The following SPATA6L variants were observed in gnomAD, a reference collection of about 807,000 sequenced individuals.
SPATA6L encodes spermatogenesis associated 6-like protein.
A neutral mutation model predicts 49.2 loss-of-function variants in SPATA6L; 68 were observed. The observed-to-expected ratio is 1.38, with a 90% CI of 1.14 to 1.69. The LOEUF (loss-of-function observed/expected upper bound fraction) is 1.69. Among genes scored for constraint, SPATA6L ranks in the 40% most tolerant of loss-of-function variants. The probability of loss-of-function intolerance (pLI) is 0.00; values close to 1 mark genes in which losing one functional copy is unlikely to be tolerated. For missense variants in SPATA6L, 668 were observed against 464.3 expected, an observed-to-expected ratio of 1.44 and a Z score of -4.03; for synonymous variants, 198 against 165.7, an observed-to-expected ratio of 1.19 and a Z score of -1.50.
chr9:4,632,350 C>T (rs1455515713), intron 4 of SPATA6L, among the ~76,000 whole-genome samples: 1 of 151,840 alleles, frequency 6.6e-6, no homozygotes, highest in African/African-American at 2.4e-5. Context: ...AATCCCAGCA[C>T]TTTGGGAGGC....
At chr9:4,648,088 G>A (rs980684866) in intron 3 of SPATA6L, among the ~76,000 whole-genome samples, 1 of 152,058 alleles carries the variant, frequency 6.6e-6, no homozygotes, top group South Asian at 2.1e-4. Flanking sequence ...GCCCACCTCA[G>A]CCTCCCAAAG....
Position 4,599,050 on chromosome 9 carries a change from C to G in SPATA6L, c.*1761G>C, listed in dbSNP as rs1269339294. Among the ~76,000 whole-genome samples, 2 of 152,096 alleles carry G rather than the reference C, an allele frequency of 1.3e-5. No homozygotes were observed. The highest frequency in any genetic ancestry group is 2.9e-5 in the Non-Finnish European group (2 of 68,016). On this transcript the variant is annotated 3_prime_UTR_variant, in exon 12 of 12. Coordinates refer to ENST00000682582, the MANE Select transcript of SPATA6L (RefSeq NM_001353486.2). ...GTATCTTCAGGATAGGGGATAGGAC[C>G]CAAGTCTAAACACGAAATTCATTTA... is the stretch of plus-strand genomic sequence containing the variant.
At chr9:4,648,536 T>C (rs950561843) in intron 3 of SPATA6L, among the ~76,000 whole-genome samples, 2 of 151,546 alleles carry the variant, frequency 1.3e-5, no homozygotes, top group Admixed American at 6.6e-5. Flanking sequence ...CCGTCTCTAC[T>C]AAAAATACAA....
At position 4,618,115 on chromosome 9, in the gene SPATA6L, G is replaced by C; in HGVS notation, c.808-5C>G. On this transcript the variant is annotated splice_region_variant and splice_polypyrimidine_tract_variant and intron_variant, in intron 8 of 11. Transcript: ENST00000682582. ...TTCATCTGGCTCTTTGATAACCTGA[G>C]TGACAATATGCATTATTTAGTTGTA... The C allele has an allele frequency of 6.3e-7, 1 of 1,596,202 alleles. No homozygotes were observed. Among genetic ancestry groups the C allele is most frequent in the African/African-American group, 1.3e-5 (1 of 74,444 alleles).
At chr9:4,621,451 T>C (rs1829270590) in intron 7 of SPATA6L, among the ~76,000 whole-genome samples, 1 of 152,164 alleles carries the variant, frequency 6.6e-6, no homozygotes, top group Admixed American at 6.5e-5. Flanking sequence ...AATGATGTCA[T>C]GACATCACCA....
intron 9 of SPATA6L, among the ~76,000 whole-genome samples, chr9:4,608,739 G>C (rs1189610131): frequency 6.6e-6 from 1 of 151,424 alleles, no homozygotes; most frequent in East Asian, 1.9e-4. Context: ...AAAAGAACTA[G>C]AAAAGCAAGA....
intron 9 of SPATA6L, among the ~76,000 whole-genome samples, chr9:4,613,867 G>A (rs1370557640): frequency 6.6e-6 from 1 of 152,136 alleles, no homozygotes; most frequent in East Asian, 1.9e-4. Context: ...CCAGGTGTGA[G>A]CCACCACGCT....
At chr9:4,648,508 G>C (rs1835969342) in intron 3 of SPATA6L, among the ~76,000 whole-genome samples, 1 of 151,702 alleles carries the variant, frequency 6.6e-6, no homozygotes, top group African/African-American at 2.4e-5. Flanking sequence ...GACCATCCTG[G>C]TCTAACTCGG....
chr9:4,596,855 G>C (rs1207558142), downstream of SPATA6L, among the ~76,000 whole-genome samples: 6 of 152,258 alleles, frequency 3.9e-5, no homozygotes, highest in East Asian at 1.2e-3. Context: ...GACAGAGCAG[G>C]GTTTGCAAAC....
intron 10 of SPATA6L, among the ~76,000 whole-genome samples, chr9:4,604,814 T>C (rs905284521): frequency 3.3e-5 from 5 of 152,184 alleles, no homozygotes; most frequent in Non-Finnish European, 7.4e-5. Context: ...AACTGCCACT[T>C]AGCTGTGTAT....
intron 9 of SPATA6L, among the ~76,000 whole-genome samples, chr9:4,611,633 C>G (rs188210678): frequency 0.053 from 6,364 of 120,676 alleles, 240 homozygotes; most frequent in Admixed American, 0.12. Flanking sequence ...GAACATCACA[C>G]TCTGGGGACT....
At chr9:4,615,003 C>T (rs547009066) in intron 9 of SPATA6L, among the ~76,000 whole-genome samples, 1 of 152,280 alleles carries the variant, frequency 6.6e-6, no homozygotes, top group East Asian at 1.9e-4. Context: ...AAAGGTCCCC[C>T]TCAAACCTTT....
At chr9:4,661,088 A>C (rs1209083845) in intron 2 of SPATA6L, among the ~76,000 whole-genome samples, 1 of 152,192 alleles carries the variant, frequency 6.6e-6, no homozygotes, top group Non-Finnish European at 1.5e-5. Context: ...ATGTATACAT[A>C]TATAACAAAC....
chr9:4,645,422 G>C (rs1167070600), intron 3 of SPATA6L, among the ~76,000 whole-genome samples: 1 of 152,142 alleles, frequency 6.6e-6, no homozygotes, highest in Non-Finnish European at 1.5e-5. Context: ...TGGTTGAGGG[G>C]CTGTGTCTGG....
chr9:4,632,318 G>A (rs1354253242), intron 4 of SPATA6L, among the ~76,000 whole-genome samples: 2 of 151,926 alleles, frequency 1.3e-5, no homozygotes, highest in African/African-American at 2.4e-5. Context: ...GCTGAAGGCC[G>A]GGCACAGTGG....
intron 9 of SPATA6L, among the ~76,000 whole-genome samples, chr9:4,610,181 T>C (rs927360788): frequency 1.3e-5 from 2 of 151,888 alleles, no homozygotes; most frequent in Non-Finnish European, 2.9e-5. Flanking sequence ...TCCATGCTCA[T>C]GGGTAGGAAG....
Position 4,627,855 on chromosome 9 carries a change from A to G in SPATA6L, c.429+1236T>C, listed in dbSNP as rs10974661. On this transcript the variant is annotated intron_variant, in intron 5 of 11. Coordinates refer to ENST00000682582, the MANE Select transcript of SPATA6L (RefSeq NM_001353486.2). ...TCACAATAGCCAAGATTTGGAATCA[A>G]CCTAAGTGTCCATCAACAGATGAAT... 4,025 of 1,255,980 alleles carry G rather than the reference A, an allele frequency of 3.2e-3. 121 individuals are homozygous for G. The African/African-American group carries it at 0.056, about 17-fold the overall frequency. 77.8% of individuals were successfully genotyped at this position (1,255,980 alleles called of 1,614,324 possible). A position where few individuals can be genotyped will look rare whatever the true frequency, so the allele number is the denominator to read the frequency against.
At chr9:4,650,857 T>C (rs1267106746) in intron 3 of SPATA6L, among the ~76,000 whole-genome samples, 1 of 150,486 alleles carries the variant, frequency 6.6e-6, no homozygotes, top group Non-Finnish European at 1.5e-5. Context: ...TGTGTGTGTG[T>C]GTGTGTGTGT....
chr9:4,612,510 G>A (rs1218032635), intron 9 of SPATA6L, among the ~76,000 whole-genome samples: 1 of 152,132 alleles, frequency 6.6e-6, no homozygotes. Context: ...TTCAATTGTT[G>A]AGTTCTCAGC....
Sources: allele counts gnomAD v4.1 joint callset (sites outside exome capture counted in the v4.1 genomes callset), GRCh38; gene constraint gnomAD v4.1.1; transcripts MANE v1.5; gene names NCBI Gene and HGNC (gene_info 2026-07-23, HGNC 2026-07-21).